The following ADAM7 variants were observed in gnomAD, a reference collection of about 807,000 sequenced individuals.
The protein encoded by ADAM7 is disintegrin and metalloproteinase domain-containing protein 7.
ADAM7 carries 97 observed loss-of-function variants against 102.9 expected under a neutral mutation model. That is an observed-to-expected ratio of 0.94 (90% CI 0.80 to 1.12). The LOEUF (loss-of-function observed/expected upper bound fraction) is 1.12, where lower values mean the gene tolerates loss of function less well. Among genes scored for constraint, ADAM7 ranks in the 50% most tolerant of loss-of-function variants. The pLI is 0.00. For missense variants in ADAM7, 991 were observed against 908.7 expected (o/e 1.09, Z -1.16); for synonymous variants, 334 against 304.4 (o/e 1.10, Z -1.01).
At chr8:24,505,227 A>G (rs565895603) in intron 20 of ADAM7, among the ~76,000 whole-genome samples, 1 of 152,266 alleles carries the variant, frequency 6.6e-6, no homozygotes, top group South Asian at 2.1e-4. Flanking sequence ...TGAGTCAGGA[A>G]AGGTAGGCTG....
Position 24,500,808 on chromosome 8 carries a change from T to C in ADAM7, c.2021T>C (p.Val674Ala). The C allele has an allele frequency of 6.2e-7, 1 of 1,613,284 alleles. No individual in the cohort carries two copies. The highest frequency in any genetic ancestry group is 2.2e-5 in the East Asian group (1 of 44,838). Residue 674 changes from valine (V) to alanine (A), a missense_variant, in exon 19 of 22, where the codon GTT becomes GCT. Transcript: ENST00000175238. ...LHVTNITILV[V>A]VLVLVIVGIG... ...GTTGCAGATATCACCATCTTGGTTGTTGTGCTTGTCCTGGTTATTGTCGGT... is the reference window on the plus strand; with the variant it reads ...GTTGCAGATATCACCATCTTGGTTGCTGTGCTTGTCCTGGTTATTGTCGGT...
Position 24,463,869 on chromosome 8 carries a change from C to A in ADAM7, c.234-13C>A. 1 of 1,608,574 alleles carries A rather than the reference C, an allele frequency of 6.2e-7. No individual in the cohort carries two copies. The highest frequency in any genetic ancestry group is 1.1e-5 in the South Asian group (1 of 90,922). On this transcript the variant is annotated splice_polypyrimidine_tract_variant and intron_variant, in intron 3 of 21. Transcript: ENST00000175238. ...ACGAACAAATCTCACCACCTGTCTG[C>A]CCTCTTTTTCAGGGAGTTCCTAGGC... is the stretch of plus-strand genomic sequence containing the variant.
chr8:24,448,657 T>TTTATTATTATTATTA (rs35847061), intron 3 of ADAM7, among the ~76,000 whole-genome samples: 1 of 148,710 alleles, frequency 6.7e-6, no homozygotes, highest in Non-Finnish European at 1.5e-5. Flanking sequence ...ATTCAGCTTG[T>TTTATTATTATTATTA]TTATTATTAT....
intron 7 of ADAM7, chr8:24,476,045 A>AGTTGCT: frequency 2.3e-6 from 1 of 443,676 alleles, no homozygotes. Flanking sequence ...GGACTAATAA[A>AGTTGCT]GTTGCTGTTC....
At chr8:24,448,866 T>C (rs889493741) in intron 3 of ADAM7, among the ~76,000 whole-genome samples, 1 of 152,128 alleles carries the variant, frequency 6.6e-6, no homozygotes, top group African/African-American at 2.4e-5. Flanking sequence ...TGTGTTCTCA[T>C]TGTTCAATTC....
chr8:24,450,153 C>G (rs373310465), intron 3 of ADAM7, among the ~76,000 whole-genome samples: 2,339 of 151,902 alleles, frequency 0.015, 63 homozygotes, highest in African/African-American at 0.053. Flanking sequence ...GGTTCCATAT[C>G]AACTTTAAAG....
intron 20 of ADAM7, among the ~76,000 whole-genome samples, chr8:24,502,833 A>G (rs931834502): frequency 1.3e-5 from 2 of 152,144 alleles, no homozygotes; most frequent in Non-Finnish European, 2.9e-5. Context: ...AACTTTCCAG[A>G]TAATTGGAAA....
intron 8 of ADAM7, among the ~76,000 whole-genome samples, chr8:24,478,470 T>A (rs960124418): frequency 1.3e-5 from 2 of 152,188 alleles, no homozygotes; most frequent in Non-Finnish European, 2.9e-5. Context: ...CTTAATTACA[T>A]CTGAAAAGCT....
At chr8:24,493,346 C>G in intron 16 of ADAM7, 117 bp downstream of exon 16, 1 of 910,814 alleles carries the variant, frequency 1.1e-6, no homozygotes, top group Non-Finnish European at 1.5e-6. Flanking sequence ...AAAATATTGA[C>G]AAGTATTTTT....
In ADAM7 at chr8:24,492,937, A is replaced by G. The variant is rs563940817; in HGVS notation, c.1656-106A>G. ...CCCATTACAGCCTCCTTAACTTGGCAAGAAACCTGGATCTAGAAAAAGAGT... is the reference window on the plus strand; with the variant it reads ...CCCATTACAGCCTCCTTAACTTGGCGAGAAACCTGGATCTAGAAAAAGAGT... On this transcript the variant is annotated intron_variant, in intron 15 of 21. Coordinates refer to ENST00000175238, the MANE Select transcript of ADAM7 (RefSeq NM_003817.4). The G allele has an allele frequency of 1.3e-4, 162 of 1,227,950 alleles. 2 individuals are homozygous for G. The African/African-American group carries it at 2.0e-3, about 16-fold the overall frequency. 76.1% of individuals were successfully genotyped at this position (1,227,950 alleles called of 1,614,324 possible).
chr8:24,474,894 C>T (rs1819718756), intron 7 of ADAM7, among the ~76,000 whole-genome samples: 1 of 151,904 alleles, frequency 6.6e-6, no homozygotes, highest in African/African-American at 2.4e-5. Context: ...GACCTTGTCT[C>T]AAGGAACAAC....
chr8:24,491,915 G>A lies in ADAM7; in HGVS notation c.1369G>A (p.Gly457Arg). The A allele has an allele frequency of 6.2e-7, 1 of 1,601,000 alleles. No homozygotes were observed. Among genetic ancestry groups the A allele is most frequent in the Non-Finnish European group, 8.5e-7 (1 of 1,174,592 alleles). Residue 457 changes from glycine to arginine, a missense_variant, in exon 14 of 22, where the codon GGG becomes AGG. Coordinates refer to ENST00000175238, the MANE Select transcript of ADAM7 (RefSeq NM_003817.4). Reference protein sequence around the residue: ...CCESCQIKKAGSICRPAKDEC... With the variant: ...CCESCQIKKARSICRPAKDEC... The stretch of plus-strand genomic sequence containing the variant: ...TTTTCCTCAACAGATAAAAAAAGCA[G>A]GGTCCATATGCAGACCGGCGAAAGA...
At chr8:24,460,958 G>C (rs1420683400) in intron 3 of ADAM7, among the ~76,000 whole-genome samples, 1 of 151,872 alleles carries the variant, frequency 6.6e-6, no homozygotes, top group Non-Finnish European at 1.5e-5. Flanking sequence ...AATTTTTGTA[G>C]CATAGATCTG....
At chr8:24,478,947 C>T (rs553005208) in intron 8 of ADAM7, among the ~76,000 whole-genome samples, 6 of 152,122 alleles carry the variant, frequency 3.9e-5, no homozygotes, top group Admixed American at 1.3e-4. Context: ...GATTTTGTTG[C>T]TACTGCTACC....
intron 7 of ADAM7, among the ~76,000 whole-genome samples, chr8:24,470,646 C>T (rs868796135): frequency 1.3e-4 from 20 of 152,226 alleles, no homozygotes; most frequent in East Asian, 5.8e-4. Context: ...CTAGTGACAT[C>T]GTAGCCATCA....
At chr8:24,491,739 C>G in intron 13 of ADAM7, 164 bp from the exon 14 acceptor site, 1 of 556,022 alleles carries the variant, frequency 1.8e-6, no homozygotes, top group Non-Finnish European at 3.1e-6. Flanking sequence ...TACATGAGTG[C>G]CAACACATTG....
At chr8:24,480,076 G>C (rs1238245008) in intron 8 of ADAM7, among the ~76,000 whole-genome samples, 3 of 152,130 alleles carry the variant, frequency 2.0e-5, no homozygotes, top group Non-Finnish European at 4.4e-5. Context: ...GAACAGTGTG[G>C]AGTGCAATGA....
At chr8:24,501,181 G>A (rs533401933) in intron 19 of ADAM7, among the ~76,000 whole-genome samples, 1 of 152,214 alleles carries the variant, frequency 6.6e-6, no homozygotes, top group African/African-American at 2.4e-5. Context: ...TTGAGCATTA[G>A]TATTTTAAAA....
intron 3 of ADAM7, among the ~76,000 whole-genome samples, chr8:24,460,213 A>T (rs1411683795): frequency 6.6e-6 from 1 of 152,050 alleles, no homozygotes; most frequent in Non-Finnish European, 1.5e-5. Context: ...ATTTCCTTTC[A>T]ACATATCTGT....
Sources: allele counts gnomAD v4.1 joint callset (sites outside exome capture counted in the v4.1 genomes callset), GRCh38; gene constraint gnomAD v4.1.1; transcripts MANE v1.5; gene names NCBI Gene and HGNC (gene_info 2026-07-23, HGNC 2026-07-21).